Variants in LMOD1 observed in about 807,000 individuals in gnomAD.
LMOD1 encodes the protein leiomodin 1, also known as leiomodin-1.
A neutral mutation model predicts 36.5 loss-of-function variants in LMOD1; 8 were observed. The observed-to-expected ratio is 0.22, with a 90% confidence interval of 0.13 to 0.40. The LOEUF (loss-of-function observed/expected upper bound fraction) is 0.40. Ranked by LOEUF, LMOD1 falls within the 10% of genes least tolerant of loss-of-function variation. The pLI is 1.00. For missense variants in LMOD1, 630 were observed against 751.1 expected, an observed-to-expected ratio of 0.84 and a Z score of 1.88; for synonymous variants, 284 against 288.7, an observed-to-expected ratio of 0.98 and a Z score of 0.17.
At position 201,900,044 on chromosome 1, in the gene LMOD1, C is replaced by A; in HGVS notation, c.969G>T (p.Glu323Asp). The change falls in exon 2 of 3, where the codon GAG (glutamate) becomes GAT (aspartate). Residue 323 changes from glutamate to aspartate, a missense_variant. Around this residue, in one of 3 missense-constraint regions of LMOD1, gnomAD observed 405 missense variants for 400.6 expected, o/e 1.01. Transcript: ENST00000367288. Reference sequence around the variant, plus strand: ...TCTCGGGGTCATTGTTCTTCACTCTCTCCAGAGGCTCATCAAATATGCTGG... The same window carrying A: ...TCTCGGGGTCATTGTTCTTCACTCTATCCAGAGGCTCATCAAATATGCTGG... The part of the protein sequence containing the change: ...AAPSIFDEPL[E>D]RVKNNDPEMT... 1 of 1,613,850 alleles carries A rather than the reference C, an allele frequency of 6.2e-7. No homozygotes were observed.
At chr1:201,912,366 C>A (rs1242924003) in intron 1 of LMOD1, among the ~76,000 whole-genome samples, 2 of 152,080 alleles carry the variant, frequency 1.3e-5, no homozygotes, top group African/African-American at 4.8e-5. Flanking sequence ...ACCCCTGACC[C>A]CCAAGCCCTT....
chr1:201,916,828 AG>A (rs1681620423), intron 1 of LMOD1, among the ~76,000 whole-genome samples: 1 of 152,194 alleles, frequency 6.6e-6, no homozygotes, highest in Non-Finnish European at 1.5e-5. Flanking sequence ...TGCTGAGCAG[AG>A]GGCCAAAGGG....
intron 1 of LMOD1, among the ~76,000 whole-genome samples, chr1:201,920,043 C>CCCTTT (rs1558238866): frequency 1.7e-5 from 2 of 116,610 alleles, no homozygotes; most frequent in African/African-American, 6.5e-5. Flanking sequence ...CTGGCTCTCT[C>CCCTTT]TCTTTTTTTT....
At chr1:201,930,936 G>C (rs1386795182) in intron 1 of LMOD1, among the ~76,000 whole-genome samples, 6 of 152,182 alleles carry the variant, frequency 3.9e-5, no homozygotes, top group Non-Finnish European at 7.3e-5. Flanking sequence ...AAGACTAAAA[G>C]GTGTGTTCAG....
intron 1 of LMOD1, among the ~76,000 whole-genome samples, chr1:201,936,096 C>CAAA (rs61077548): frequency 3.1e-4 from 23 of 73,098 alleles, no homozygotes; most frequent in African/African-American, 8.2e-4. Context: ...GACCTTGTCT[C>CAAA]AAAAAAAAAA....
rs1571574074 is a variant in LMOD1 at position 201,901,592 on chromosome 1, A to ATGTG, written c.262-842_262-841insCACA. 5.5e-4 allele frequency among the ~76,000 whole-genome samples: 5 copies of ATGTG among 9,120 alleles called. 1 individual carries two copies. Among genetic ancestry groups the ATGTG allele is most frequent in the Non-Finnish European group, 7.6e-4 (3 of 3,942 alleles). 6.0% of individuals were successfully genotyped at this position (9,120 alleles called of 152,430 possible). Reference sequence around the variant, plus strand: ...TATATATATATATATATACATATATATATGTATATATATATATACACATAT... The same window carrying ATGTG: ...TATATATATATATATATACATATATATGTGTATGTATATATATATATACACATAT... On this transcript the variant is annotated intron_variant, in intron 1 of 2. Coordinates refer to ENST00000367288, the MANE Select transcript of LMOD1 (RefSeq NM_012134.3).
chr1:201,902,720 C>G (rs541930791), intron 1 of LMOD1, among the ~76,000 whole-genome samples: 1 of 152,000 alleles, frequency 6.6e-6, no homozygotes, highest in Non-Finnish European at 1.5e-5. Flanking sequence ...GCTGGGATTA[C>G]AGGCGTGAGC....
At chr1:201,941,553 C>CTTAAT (rs1682116424) in intron 1 of LMOD1, among the ~76,000 whole-genome samples, 3 of 152,176 alleles carry the variant, frequency 2.0e-5, no homozygotes, top group Non-Finnish European at 2.9e-5. Context: ...AGCATTGAGC[C>CTTAAT]GTGCTGCTCA....
rs778680185 is a variant in LMOD1 at position 201,946,162 on chromosome 1, G to T, written c.179C>A (p.Thr60Lys). Reference protein sequence around the residue: ...RQRNQTEKQSTGVYNREAMLN... With the variant: ...RQRNQTEKQSKGVYNREAMLN... ...CATGGCCTCCCGGTTGTACACACCC[G>T]TGGACTGTTTCTCCGTCTGGTTTCT... is the stretch of plus-strand genomic sequence containing the variant. The change falls in exon 1 of 3, where the codon ACG becomes AAG. Residue 60 changes from threonine to lysine, a missense_variant. Coordinates refer to ENST00000367288, the MANE Select transcript of LMOD1 (RefSeq NM_012134.3). 11 of 1,613,928 alleles carry T rather than the reference G, an allele frequency of 6.8e-6. No individual in the cohort carries two copies. The highest frequency in any genetic ancestry group is 9.3e-6 in the Non-Finnish European group (11 of 1,179,866).
chr1:201,930,237 A>G (rs1030484730), intron 1 of LMOD1, among the ~76,000 whole-genome samples: 19 of 152,204 alleles, frequency 1.2e-4, no homozygotes, highest in African/African-American at 4.6e-4. Flanking sequence ...GAAGGCTTTT[A>G]CACAGGGAAG....
chr1:201,946,315 C>T lies in LMOD1; in HGVS notation c.26G>A (p.Arg9Gln), dbSNP rs769230690. 3.7e-6 allele frequency: 6 copies of T among 1,613,786 alleles called. No individual in the cohort carries two copies. The highest frequency in any genetic ancestry group is 1.3e-5 in the African/African-American group (1 of 74,916). MSRVAKYR[R>Q]QVSEDPDIDS... ...GATGTCGGGGTCTTCACTCACCTGC[C>T]GGCGATATTTGGCTACTCTAGACAT... The change falls in exon 1 of 3, where the codon CGG (arginine) becomes CAG (glutamine). Residue 9 changes from arginine (R) to glutamine (Q), a missense_variant. By Grantham distance (43) the Arg-to-Gln change is conservative (BLOSUM62 1). Transcript: ENST00000367288.
chr1:201,924,343 G>A (rs1296821071), intron 1 of LMOD1, among the ~76,000 whole-genome samples: 1 of 131,552 alleles, frequency 7.6e-6, no homozygotes, highest in Non-Finnish European at 1.6e-5. Context: ...AAAAAAGAAA[G>A]CAAGGGAAGG....
Position 201,899,549 on chromosome 1 carries a change from G to C in LMOD1, c.1464C>G (p.Ala488=), listed in dbSNP as rs1681257395. The C allele has an allele frequency of 1.4e-5, 23 of 1,613,782 alleles. No individual in the cohort carries two copies. Among genetic ancestry groups the C allele is most frequent in the Non-Finnish European group, 1.9e-5 (23 of 1,179,806 alleles). Reference sequence around the variant, plus strand: ...CCAGCAGATCCTTCTTCTCTCCCTTGGCTTCCTGTGCCTGCCTTTGCTCCT... The same window carrying C: ...CCAGCAGATCCTTCTTCTCTCCCTTCGCTTCCTGTGCCTGCCTTTGCTCCT... ...RLQEQRQAQE[A]KGEKKDLLEV... is the part of the protein sequence containing the mutation. Residue 488 remains alanine (A), a synonymous_variant, in exon 2 of 3, where the codon GCC becomes GCG. Transcript: ENST00000367288. The surrounding 1 kb of genome is among the most constrained non-coding windows in gnomAD (Gnocchi z 6.3).
At chr1:201,916,516 AAAAACAAAAC>A (rs71564168) in intron 1 of LMOD1, among the ~76,000 whole-genome samples, 8 of 150,768 alleles carry the variant, frequency 5.3e-5, no homozygotes, top group Admixed American at 1.3e-4. Flanking sequence ...CCCTGTCTCA[AAAAACAAAAC>A]AAAACAAAAC....
At chr1:201,932,867 G>A (rs1257463252) in intron 1 of LMOD1, among the ~76,000 whole-genome samples, 2 of 152,118 alleles carry the variant, frequency 1.3e-5, no homozygotes, top group African/African-American at 4.8e-5. Context: ...TTCAAATTAG[G>A]TGGTATCATC....
intron 1 of LMOD1, among the ~76,000 whole-genome samples, chr1:201,901,582 ATACATATATATATG>A (rs1681315825): frequency 3.0e-5 from 1 of 33,834 alleles, no homozygotes; most frequent in African/African-American, 9.9e-5. Context: ...ATATATATAT[ATACATATATATATG>A]TATATATATA....
At chr1:201,944,090 G>A (rs1289909300) in intron 1 of LMOD1, among the ~76,000 whole-genome samples, 1 of 152,178 alleles carries the variant, frequency 6.6e-6, no homozygotes, top group Non-Finnish European at 1.5e-5. Flanking sequence ...GGAAGAGTGA[G>A]GGGATCAGAA....
chr1:201,899,672 C>T lies in LMOD1; in HGVS notation c.1341G>A (p.Leu447=), dbSNP rs1383166035. ...IAKLLKENTT[L]LKLGYHFELA... The stretch of plus-strand genomic sequence containing the variant: ...GCTCAAAATGGTAGCCCAGCTTGAG[C>T]AGGGTAGTATTCTCCTTCAGCAGCT... Residue 447 remains leucine, a synonymous_variant, in exon 2 of 3, where the codon CTG becomes CTA. Coordinates refer to ENST00000367288, the MANE Select transcript of LMOD1 (RefSeq NM_012134.3). This position sits in a 1 kb window ranked among gnomAD's most constrained non-coding sequence, Gnocchi z 6.3. 1 of 1,613,994 alleles carries T rather than the reference C, an allele frequency of 6.2e-7. No homozygotes were observed. Among genetic ancestry groups the T allele is most frequent in the Middle Eastern group, 1.6e-4 (1 of 6,062 alleles).
chr1:201,937,445 TCAAA>T (rs777834941), intron 1 of LMOD1, among the ~76,000 whole-genome samples: 3 of 151,304 alleles, frequency 2.0e-5, no homozygotes, highest in Non-Finnish European at 4.4e-5. Context: ...AGATCCTGTC[TCAAA>T]CAAACAAACA....
Sources: gnomAD v4.1 joint callset for allele counts (sites outside exome capture counted in the v4.1 genomes callset) on GRCh38, gnomAD v4.1.1 for gene constraint, gnomAD v4.1.1 regional missense constraint, Gnocchi (gnomAD v3.1) non-coding constraint, MANE v1.5 for transcripts, NCBI Gene and HGNC (gene_info 2026-07-23, HGNC 2026-07-21) for gene names.